KCNA3: variants seen among roughly 807,000 people sequenced by gnomAD.
The protein encoded by KCNA3 is RP11-284N8.3.
KCNA3 carries 18 observed loss-of-function variants against 34.3 expected under a neutral mutation model. That is an observed-to-expected ratio of 0.52 (90% CI 0.36 to 0.78). The LOEUF is 0.78. Ranked by LOEUF, KCNA3 falls within the 30% of genes least tolerant of loss-of-function variation. The pLI is 0.00. For synonymous variants in KCNA3, 324 were observed against 351.7 expected (o/e 0.92, Z 0.88); for missense variants, 587 against 802.5 (o/e 0.73, Z 3.24).
At chr1:110,662,529 T>A in the KCNA3 span, among the ~76,000 whole-genome samples, 1 of 152,202 alleles carries the variant, frequency 6.6e-6, no homozygotes, top group Non-Finnish European at 1.5e-5. Flanking sequence ...TTACTTAGTG[T>A]TAGCTGCACA....
chr1:110,654,518 G>C, the KCNA3 span: 1 of 152,128 alleles, frequency 6.6e-6, no homozygotes, highest in African/African-American at 2.4e-5. Flanking sequence ...AGAAATGTCA[G>C]TCAAGAAGAT....
chr1:110,673,455 G>A lies in KCNA3; in HGVS notation c.1355C>T (p.Pro452Leu). The A allele has an allele frequency of 6.2e-7, 1 of 1,614,144 alleles. No individual in the cohort carries two copies. Among genetic ancestry groups the A allele is most frequent in the Non-Finnish European group, 8.5e-7 (1 of 1,180,034 alleles). The change falls in exon 1 of 1, where the codon CCA (proline) becomes CTA (leucine). Residue 452 changes from proline to leucine, a missense_variant. Physicochemically the swap from Pro to Leu is moderately conservative, Grantham distance 98. This residue lies in a region of KCNA3 where 84 missense variants were observed against 223.1 expected (regional missense o/e 0.38). Transcript: ENST00000369769. This position sits in a 1 kb window ranked among gnomAD's most constrained non-coding sequence, Gnocchi z 8.8. ...MTTVGYGDMHPVTIGGKIVGS... is the reference protein window; with the variant it reads ...MTTVGYGDMHLVTIGGKIVGS... ...CACAATCTTGCCCCCTATGGTCACT[G>A]GGTGCATATCGCCGTAACCCACTGT...
Position 110,673,785 on chromosome 1 carries a change from G to A in KCNA3, c.1025C>T (p.Thr342Ile). The stretch of plus-strand genomic sequence containing the variant: ...TCGTTCGGCCAGCTCGGTACCCAGA[G>A]TGATAAAATAAGGAATGATGGCCAC... ...DIVAIIPYFI[T>I]LGTELAERQG... The change falls in exon 1 of 1, where the codon ACT (threonine) becomes ATT (isoleucine). Residue 342 changes from threonine (T) to isoleucine (I), a missense_variant. Thr to Ile is a moderately conservative substitution (Grantham distance 89). Transcript: ENST00000369769. The surrounding 1 kb of genome is among the most constrained non-coding windows in gnomAD (Gnocchi z 8.8). 6.2e-7 allele frequency: 1 copy of A among 1,614,146 alleles called. No individual in the cohort carries two copies. Among genetic ancestry groups the A allele is most frequent in the Non-Finnish European group, 8.5e-7 (1 of 1,180,044 alleles).
chr1:110,659,537 A>G, the KCNA3 span, among the ~76,000 whole-genome samples: 1 of 152,170 alleles, frequency 6.6e-6, no homozygotes, highest in African/African-American at 2.4e-5. Context: ...GGAGCATCCT[A>G]CTGGTCAGTG....
At position 110,674,887 on chromosome 1, in the gene KCNA3, C is replaced by G. The variant is rs1652036508; in HGVS notation, c.-78G>C. On this transcript the variant is annotated 5_prime_UTR_variant, in exon 1 of 1. Transcript: ENST00000369769. The surrounding 1 kb of genome is among the most constrained non-coding windows in gnomAD (Gnocchi z 6.4). ...CCCGCCCTTTCGCCGCCTCCGCCCC[C>G]GAGCCGAGCCCACCGCCTGTTGCAG... 2 of 1,269,318 alleles carry G rather than the reference C, an allele frequency of 1.6e-6. No individual in the cohort carries two copies. The highest frequency in any genetic ancestry group is 9.9e-7 in the Non-Finnish European group (1 of 1,010,396). 78.6% of individuals were successfully genotyped at this position (1,269,318 alleles called of 1,614,324 possible). A position where few individuals can be genotyped will look rare whatever the true frequency, so the allele number is the denominator to read the frequency against.
In KCNA3 at chr1:110,674,065, C is replaced by G. The variant is rs1172651962; in HGVS notation, c.745G>C (p.Val249Leu). ...GGCAGCGTCTCCAGGCAGAAGATGA[C>G]AATGGAGATGAGGATGACCAGCACG... is the stretch of plus-strand genomic sequence containing the variant. ...VSVLVILISIVIFCLETLPEF... is the reference protein window; with the variant it reads ...VSVLVILISILIFCLETLPEF... Residue 249 changes from valine to leucine, a missense_variant, in exon 1 of 1, where the codon GTC becomes CTC. Val to Leu is a conservative substitution (Grantham distance 32). This residue lies in a region of KCNA3 where 9 missense variants were observed against 26.8 expected (regional missense o/e 0.34). Coordinates refer to ENST00000369769, the MANE Select transcript of KCNA3 (RefSeq NM_002232.5). The surrounding 1 kb of genome is among the most constrained non-coding windows in gnomAD (Gnocchi z 6.4). 1 of 1,608,434 alleles carries G rather than the reference C, an allele frequency of 6.2e-7. No homozygotes were observed.
At position 110,674,126 on chromosome 1, in the gene KCNA3, C is replaced by T; in HGVS notation, c.684G>A (p.Glu228=). The part of the protein sequence containing the change: ...RQVWLLFEYP[E]SSGPARGIAI... ...CGATGCCCCGGGCCGGCCCGGAGCT[C>T]TCGGGGTACTCGAAGAGCAGCCACA... The change falls in exon 1 of 1, where the codon GAG becomes GAA. Residue 228 remains glutamate (E), a synonymous_variant. Coordinates refer to ENST00000369769, the MANE Select transcript of KCNA3 (RefSeq NM_002232.5). The surrounding 1 kb of genome is among the most constrained non-coding windows in gnomAD (Gnocchi z 6.4). 1 of 1,612,310 alleles carries T rather than the reference C, an allele frequency of 6.2e-7. No individual in the cohort carries two copies. Among genetic ancestry groups the T allele is most frequent in the Non-Finnish European group, 8.5e-7 (1 of 1,179,228 alleles).
chr1:110,659,944 G>A, the KCNA3 span, among the ~76,000 whole-genome samples: 2 of 151,598 alleles, frequency 1.3e-5, no homozygotes, highest in Non-Finnish European at 2.9e-5. Flanking sequence ...GGGGCTGGGG[G>A]GCTAGGGAAG....
chr1:110,655,964 T>G, the KCNA3 span: 1 of 152,220 alleles, frequency 6.6e-6, no homozygotes, highest in Non-Finnish European at 1.5e-5. Flanking sequence ...CCCTGAATTT[T>G]GTTTCTCACT....
At chr1:110,667,069 G>T in the KCNA3 span, among the ~76,000 whole-genome samples, 2 of 149,720 alleles carry the variant, frequency 1.3e-5, no homozygotes, top group African/African-American at 5.0e-5. Flanking sequence ...CAGGTGAGGG[G>T]TGTGTGTGTG....
chr1:110,656,252 G>A, the KCNA3 span: 1 of 152,086 alleles, frequency 6.6e-6, no homozygotes, highest in African/African-American at 2.4e-5. Context: ...AATTCACTCA[G>A]CATTCAAAGA....
At chr1:110,658,863 T>C in the KCNA3 span, among the ~76,000 whole-genome samples, 12 of 152,180 alleles carry the variant, frequency 7.9e-5, no homozygotes, top group African/African-American at 2.9e-4. Flanking sequence ...TTAAAACATG[T>C]AGTAAGTACT....
the KCNA3 span, among the ~76,000 whole-genome samples, chr1:110,664,918 A>G: frequency 6.6e-6 from 1 of 152,178 alleles, no homozygotes; most frequent in Non-Finnish European, 1.5e-5. Flanking sequence ...ATGCCAGAAC[A>G]TCCCAGGCAG....
chr1:110,672,811 A>G lies in KCNA3; in HGVS notation c.*271T>C, dbSNP rs560799797. 5.2e-6 allele frequency: 2 copies of G among 381,222 alleles called. No individual in the cohort carries two copies. Among genetic ancestry groups the G allele is most frequent in the Non-Finnish European group, 9.4e-6 (2 of 212,544 alleles). 23.6% of individuals were successfully genotyped at this position (381,222 alleles called of 1,614,324 possible). A position where few individuals can be genotyped will look rare whatever the true frequency, so the allele number is the denominator to read the frequency against. On this transcript the variant is annotated 3_prime_UTR_variant, in exon 1 of 1. Transcript: ENST00000369769. ...CTCTTTTTTAAATAGGGCGTGTACT[A>G]GAAATGAAGTTTAACGTAAGTCTGT...
At chr1:110,659,926 G>C in the KCNA3 span, among the ~76,000 whole-genome samples, 8 of 151,876 alleles carry the variant, frequency 5.3e-5, no homozygotes, top group East Asian at 9.7e-4. Context: ...CTGCCTGTTG[G>C]GGGGTGGGGG....
chr1:110,662,109 T>C, the KCNA3 span, among the ~76,000 whole-genome samples: 1 of 67,418 alleles, frequency 1.5e-5, no homozygotes, highest in African/African-American at 7.1e-5. Context: ...CGAGACTCCG[T>C]CTCAAAAAAA....
the KCNA3 span, among the ~76,000 whole-genome samples, chr1:110,662,642 G>A: frequency 6.6e-6 from 1 of 152,132 alleles, no homozygotes; most frequent in Non-Finnish European, 1.5e-5. Flanking sequence ...TTGAGGTCTT[G>A]AAAATTATGT....
At chr1:110,658,534 G>T in the KCNA3 span, among the ~76,000 whole-genome samples, 1 of 152,076 alleles carries the variant, frequency 6.6e-6, no homozygotes, top group Non-Finnish European at 1.5e-5. Flanking sequence ...TACATTAATG[G>T]CACAGAAGTG....
At chr1:110,667,683 A>G (rs1165702923), downstream of KCNA3, among the ~76,000 whole-genome samples, 1 of 152,102 alleles carries the variant, frequency 6.6e-6, no homozygotes, top group Non-Finnish European at 1.5e-5. Flanking sequence ...TGCAAATTTT[A>G]AAACAGAAGA....
Sources: gnomAD v4.1 joint callset for allele counts (sites outside exome capture counted in the v4.1 genomes callset) on GRCh38, gnomAD v4.1.1 for gene constraint, gnomAD v4.1.1 regional missense constraint, Gnocchi (gnomAD v3.1) non-coding constraint, MANE v1.5 for transcripts, NCBI Gene and HGNC (gene_info 2026-07-23, HGNC 2026-07-21) for gene names.